Variants in ZDHHC3 observed in about 807,000 individuals in gnomAD.
The protein encoded by ZDHHC3 is zDHHC palmitoyltransferase 3, also known as palmitoyltransferase ZDHHC3.
In ZDHHC3, 9 loss-of-function variants were observed where a neutral mutation model predicts 30.6. The ratio of observed to expected loss-of-function variants is 0.29; its 90% CI spans 0.18 to 0.51. ZDHHC3 has a LOEUF of 0.51. Among genes scored for constraint, ZDHHC3 ranks in the 20% least tolerant of loss-of-function variants. The pLI is 0.97. For synonymous variants in ZDHHC3, 136 were observed against 140.2 expected (o/e 0.97, Z 0.21); for missense variants, 246 against 384.2 (o/e 0.64, Z 3.01).
At chr3:44,945,732 T>G (rs1249230540) in intron 2 of ZDHHC3, among the ~76,000 whole-genome samples, 1 of 151,982 alleles carries the variant, frequency 6.6e-6, no homozygotes, top group East Asian at 1.9e-4. Context: ...TAATTTTTTG[T>G]ATTTTTAGTA....
chr3:44,968,047 C>A (rs180917777), intron 1 of ZDHHC3, among the ~76,000 whole-genome samples: 1 of 152,222 alleles, frequency 6.6e-6, no homozygotes, highest in East Asian at 1.9e-4. Flanking sequence ...CCCAAGGTCG[C>A]ATTGAGTGAG....
chr3:44,934,936 C>T lies in ZDHHC3; in HGVS notation c.432-952G>A, dbSNP rs75505168. On this transcript the variant is annotated intron_variant, in intron 3 of 6. Coordinates refer to ENST00000424952, the MANE Select transcript of ZDHHC3 (RefSeq NM_001135179.2). ...AAAAAAGTCATTTGAGCTTAACTGTCGACCAGATCAGTTCATTAATTTGCA... is the reference window on the plus strand; with the variant it reads ...AAAAAAGTCATTTGAGCTTAACTGTTGACCAGATCAGTTCATTAATTTGCA... 6.2e-3 allele frequency among the ~76,000 whole-genome samples: 939 copies of T among 150,246 alleles called. 11 individuals carry two copies. The highest frequency in any genetic ancestry group is 0.021 in the African/African-American group (871 of 40,862).
Position 44,959,031 on chromosome 3 carries a change from T to A in ZDHHC3, c.306+100A>T. 1 of 1,451,540 alleles carries A rather than the reference T, an allele frequency of 6.9e-7. No individual in the cohort carries two copies. The highest frequency in any genetic ancestry group is 9.4e-7 in the Non-Finnish European group (1 of 1,061,052). The allele number at this position is 1,451,540 out of a possible 1,614,324, so 89.9% of individuals were successfully genotyped here. A position where few individuals can be genotyped will look rare whatever the true frequency, so the allele number is the denominator to read the frequency against. ...TCACCCTCCCCTGGCCCTCCTATCC[T>A]CCAAGTTCCCAAGGTCCAGGGGGAA... is the stretch of plus-strand genomic sequence containing the variant. On this transcript the variant is annotated intron_variant, in intron 2 of 6. Transcript: ENST00000424952. This position sits in a 1 kb window ranked among gnomAD's most constrained non-coding sequence, Gnocchi z 4.3.
In ZDHHC3 at chr3:44,929,418, G is replaced by A. The variant is rs760842894; in HGVS notation, c.629C>T (p.Pro210Leu). 1.2e-6 allele frequency: 2 copies of A among 1,614,058 alleles called. No homozygotes were observed. Among genetic ancestry groups the A allele is most frequent in the South Asian group, 1.1e-5 (1 of 91,052 alleles). The stretch of plus-strand genomic sequence containing the variant: ...GATAAGGAGAATCACTGTGGTGGGT[G>A]GAGAGAAGGAGCTGCACTCTGAAAG... ...EDWTKCSSFSPPTTVILLILL... is the reference protein window; with the variant it reads ...EDWTKCSSFSLPTTVILLILL... The change falls in exon 6 of 7, where the codon CCA becomes CTA. Residue 210 changes from proline to leucine, a missense_variant. Pro to Leu is a moderately conservative substitution (Grantham distance 98, BLOSUM62 -3). Coordinates refer to ENST00000424952, the MANE Select transcript of ZDHHC3 (RefSeq NM_001135179.2).
At position 44,922,513 on chromosome 3, in the gene ZDHHC3, A is replaced by C; in HGVS notation, c.*4176T>G. ...TTGGGGAGGCCGCAGCTTATGAGGG[A>C]AGGCAGTCTCAGTGGCTTCTCCGCG... On this transcript the variant is annotated 3_prime_UTR_variant, in exon 7 of 7. Coordinates refer to ENST00000424952, the MANE Select transcript of ZDHHC3 (RefSeq NM_001135179.2). 1.0e-6 allele frequency: 1 copy of C among 985,378 alleles called. No individual in the cohort carries two copies. Among genetic ancestry groups the C allele is most frequent in the African/African-American group, 1.7e-5 (1 of 57,336 alleles). 61.0% of individuals were successfully genotyped at this position (985,378 alleles called of 1,614,324 possible).
In ZDHHC3 at chr3:44,933,212, AC is replaced by A; in HGVS notation, c.529-14del. ...GAGCTATGTACATCTGAAACAGGAA[AC>A]CAGTGCAGACACCATTGTTGTGAGA... is the stretch of plus-strand genomic sequence containing the variant. On this transcript the variant is annotated splice_polypyrimidine_tract_variant and intron_variant, in intron 4 of 6. Coordinates refer to ENST00000424952, the MANE Select transcript of ZDHHC3 (RefSeq NM_001135179.2). 6.2e-7 allele frequency: 1 copy of A among 1,612,268 alleles called. No homozygotes were observed. The highest frequency in any genetic ancestry group is 8.5e-7 in the Non-Finnish European group (1 of 1,178,406).
At chr3:44,948,179 T>C (rs1016026691) in intron 2 of ZDHHC3, among the ~76,000 whole-genome samples, 5 of 152,144 alleles carry the variant, frequency 3.3e-5, no homozygotes, top group Non-Finnish European at 4.4e-5. Context: ...TACAGTTTAT[T>C]AGGGTGGGCA....
At chr3:44,958,180 A>G (rs2125905512) in intron 2 of ZDHHC3, among the ~76,000 whole-genome samples, 1 of 152,278 alleles carries the variant, frequency 6.6e-6, no homozygotes, top group East Asian at 1.9e-4. Context: ...CCAGTGGCTG[A>G]TATGTAATTG....
Position 44,924,247 on chromosome 3 carries a change from C to T in ZDHHC3, c.*2442G>A, listed in dbSNP as rs1700814891. ...CTGAGGAGAGCTCAGGGATGCTTTC[C>T]CTTCCTGTCCTGTGTGGAAGCCAGG... On this transcript the variant is annotated 3_prime_UTR_variant, in exon 7 of 7. Transcript: ENST00000424952. 3 of 985,452 alleles carry T rather than the reference C, an allele frequency of 3.0e-6. No homozygotes were observed. Among genetic ancestry groups the T allele is most frequent in the African/African-American group, 3.5e-5 (2 of 57,370 alleles). 61.0% of individuals were successfully genotyped at this position (985,452 alleles called of 1,614,324 possible).
chr3:44,943,001 G>A (rs1185762375), intron 3 of ZDHHC3, among the ~76,000 whole-genome samples: 1 of 152,110 alleles, frequency 6.6e-6, no homozygotes, highest in African/African-American at 2.4e-5. Context: ...CCAGACTGAA[G>A]CCTCCATCTC....
chr3:44,963,118 A>C (rs770216439), intron 1 of ZDHHC3, among the ~76,000 whole-genome samples: 3 of 152,244 alleles, frequency 2.0e-5, no homozygotes. Flanking sequence ...CATATTCTGC[A>C]TGGTGGAGAG....
intron 1 of ZDHHC3, among the ~76,000 whole-genome samples, chr3:44,963,371 T>A (rs1331664025): frequency 2.6e-5 from 4 of 151,690 alleles, no homozygotes; most frequent in Non-Finnish European, 5.9e-5. Flanking sequence ...AATATCCCCA[T>A]CAAAACCAAG....
At chr3:44,958,629 T>C (rs897059538) in intron 2 of ZDHHC3, 24 of 1,535,970 alleles carry the variant, frequency 1.6e-5, no homozygotes, top group Non-Finnish European at 1.7e-5. Context: ...TTGTCCAGCT[T>C]TTCAGGAAAA....
Position 44,923,592 on chromosome 3 carries a change from G to C in ZDHHC3, c.*3097C>G. On this transcript the variant is annotated 3_prime_UTR_variant, in exon 7 of 7. Transcript: ENST00000424952. The stretch of plus-strand genomic sequence containing the variant: ...TAAGGCAGGAAAATTGCTGGAGGCC[G>C]GGCATTTGAGACTAGCTAGGGCAAC... 1 of 965,092 alleles carries C rather than the reference G, an allele frequency of 1.0e-6. No homozygotes were observed. The highest frequency in any genetic ancestry group is 1.2e-6 in the Non-Finnish European group (1 of 811,662). The allele number at this position is 965,092 out of a possible 1,614,324, so 59.8% of individuals were successfully genotyped here.
chr3:44,965,154 A>G (rs1316360392), intron 1 of ZDHHC3, among the ~76,000 whole-genome samples: 1 of 152,202 alleles, frequency 6.6e-6, no homozygotes, highest in African/African-American at 2.4e-5. Flanking sequence ...AGTTCTAGAA[A>G]CCAAAACCAA....
chr3:44,954,707 G>A (rs1039961290), intron 2 of ZDHHC3, among the ~76,000 whole-genome samples: 1 of 152,248 alleles, frequency 6.6e-6, no homozygotes, highest in South Asian at 2.1e-4. Context: ...TACAATTACT[G>A]TCATTGTGTA....
intron 3 of ZDHHC3, among the ~76,000 whole-genome samples, chr3:44,936,273 C>CTGATGATAGTGCAGATAG (rs1429147055): frequency 6.6e-6 from 1 of 152,180 alleles, no homozygotes; most frequent in Non-Finnish European, 1.5e-5. Flanking sequence ...ATATCACTAT[C>CTGATGATAGTGCAGATAG]ATCAGAGAAG....
intron 1 of ZDHHC3, among the ~76,000 whole-genome samples, chr3:44,961,349 G>A (rs938710596): frequency 5.3e-5 from 8 of 152,288 alleles, no homozygotes; most frequent in African/African-American, 9.6e-5. Flanking sequence ...CCGAGATCAC[G>A]CCACTGCACT....
In ZDHHC3 at chr3:44,918,667, C is replaced by T. The variant is rs1372078603; in HGVS notation, c.*8022G>A. On this transcript the variant is annotated 3_prime_UTR_variant, in exon 7 of 7. Transcript: ENST00000424952. The stretch of plus-strand genomic sequence containing the variant: ...CGAGGTGAAGAAGCGGGTGCTCGTA[C>T]AGCAAGTGCCAACATGCATTAGGCA... The T allele has an allele frequency of 2.0e-6, 2 of 999,696 alleles. No homozygotes were observed. The highest frequency in any genetic ancestry group is 2.4e-6 in the Non-Finnish European group (2 of 836,798). The allele number at this position is 999,696 out of a possible 1,614,324, so 61.9% of individuals were successfully genotyped here.
Sources: gnomAD v4.1 joint callset for allele counts (sites outside exome capture counted in the v4.1 genomes callset) on GRCh38, gnomAD v4.1.1 for gene constraint, Gnocchi (gnomAD v3.1) non-coding constraint, MANE v1.5 for transcripts, NCBI Gene and HGNC (gene_info 2026-07-23, HGNC 2026-07-21) for gene names.